Variants in MDN1 observed in about 807,000 individuals in gnomAD.
MDN1 encodes the protein midasin AAA ATPase 1.
Under a neutral mutation model 669.2 loss-of-function variants are expected in MDN1, and 266 were observed. The ratio of observed to expected loss-of-function variants is 0.40; its 90% CI spans 0.36 to 0.44. The LOEUF is 0.44. Among genes scored for constraint, MDN1 ranks in the 20% least tolerant of loss-of-function variants. MDN1 has a pLI of 1.00. For synonymous variants in MDN1, 2,385 were observed against 2,457.1 expected, an observed-to-expected ratio of 0.97 and a Z score of 0.87; for missense variants, 5,940 against 6,754.0, an observed-to-expected ratio of 0.88 and a Z score of 4.22.
chr6:89,806,237 C>G (rs1435243853), intron 1 of MDN1, among the ~76,000 whole-genome samples: 2 of 151,920 alleles, frequency 1.3e-5, no homozygotes, highest in Non-Finnish European at 2.9e-5. Context: ...TGTGCCCGGC[C>G]CCATTTTTTA....
Position 89,708,578 on chromosome 6 carries a change from T to C in MDN1, c.7816A>G (p.Met2606Val). 1 of 1,614,052 alleles carries C rather than the reference T, an allele frequency of 6.2e-7. No homozygotes were observed. Among genetic ancestry groups the C allele is most frequent in the Non-Finnish European group, 8.5e-7 (1 of 1,179,918 alleles). ...TCAAAGTCCATCAAATTTCTAATCA[T>C]GTCCAGAGCCTGCATATTCCATCGG... ...DPRWNMQALD[M>V]IRNLMDFDPQ... The change falls in exon 51 of 102, where the codon ATG (methionine) becomes GTG (valine). Residue 2606 changes from methionine to valine, a missense_variant. By Grantham distance (21) the Met-to-Val change is conservative. This residue lies in a region of MDN1 where 2,292 missense variants were observed against 2,638.3 expected (regional missense o/e 0.87). Coordinates refer to ENST00000369393, the MANE Select transcript of MDN1 (RefSeq NM_014611.3).
chr6:89,744,385 A>T (rs1416205180), intron 29 of MDN1, among the ~76,000 whole-genome samples: 1 of 152,076 alleles, frequency 6.6e-6, no homozygotes, highest in Non-Finnish European at 1.5e-5. Flanking sequence ...GTTCAAGACC[A>T]GTCTGGACAA....
At chr6:89,798,179 C>T (rs1469840004) in intron 2 of MDN1, among the ~76,000 whole-genome samples, 5 of 74,126 alleles carry the variant, frequency 6.7e-5, no homozygotes, top group Admixed American at 1.8e-4. Context: ...GAGACTCTGT[C>T]TCAAAAAAAA....
intron 10 of MDN1, among the ~76,000 whole-genome samples, chr6:89,780,706 G>A (rs562974905): frequency 2.0e-5 from 3 of 148,294 alleles, no homozygotes; most frequent in South Asian, 2.1e-4. Flanking sequence ...AGTGCAGTGC[G>A]TGATCTCGGC....
chr6:89,780,178 C>A (rs1286862405), intron 11 of MDN1, 34 bp downstream of exon 11: 3 of 1,305,680 alleles, frequency 2.3e-6, no homozygotes, highest in South Asian at 2.9e-5. Flanking sequence ...CCTTACAGAA[C>A]CAAGACAAAA....
intron 1 of MDN1, chr6:89,814,880 T>C: frequency 2.1e-6 from 1 of 484,588 alleles, no homozygotes; most frequent in Non-Finnish European, 4.1e-6. Flanking sequence ...AGGTACCTCC[T>C]AGAAACCCCT....
At chr6:89,691,771 T>C (rs889499227) in intron 63 of MDN1, among the ~76,000 whole-genome samples, 16 of 152,228 alleles carry the variant, frequency 1.1e-4, no homozygotes, top group African/African-American at 3.6e-4. Flanking sequence ...TGGTTTGTTG[T>C]ACATTTTGTA....
intron 70 of MDN1, among the ~76,000 whole-genome samples, chr6:89,685,382 A>G (rs1811938698): frequency 6.6e-6 from 1 of 152,064 alleles, no homozygotes; most frequent in Non-Finnish European, 1.5e-5. Context: ...TACAATCTAT[A>G]CTCATCTTGT....
At chr6:89,661,904 C>T (rs1809795128) in intron 87 of MDN1, among the ~76,000 whole-genome samples, 183 bp downstream of exon 87, 1 of 152,180 alleles carries the variant, frequency 6.6e-6, no homozygotes, top group Non-Finnish European at 1.5e-5. Flanking sequence ...ACTACCCTGT[C>T]AGGAACCAAC....
chr6:89,668,267 ATTATC>A, intron 83 of MDN1, 116 bp from the exon 84 acceptor site: 6 of 1,263,624 alleles, frequency 4.7e-6, no homozygotes, highest in Non-Finnish European at 4.3e-6. Flanking sequence ...TTTCTAGCTC[ATTATC>A]TTAAATCCGC....
rs537268426 is a variant in MDN1, at chr6:89,760,608, G to A, written c.2460+1037C>T. On this transcript the variant is annotated intron_variant, in intron 17 of 101. Transcript: ENST00000369393. ...CCATCAACAGATGAATAAAGAAAAT[G>A]TTGTATATATACATATATACAAACA... is the stretch of plus-strand genomic sequence containing the variant. Among the ~76,000 whole-genome samples, 344 of 152,094 alleles carry A rather than the reference G, an allele frequency of 2.3e-3. 3 individuals carry two copies. Among genetic ancestry groups the A allele is most frequent in the African/African-American group, 7.8e-3 (325 of 41,474 alleles).
At chr6:89,715,375 T>G (rs1004801179) in intron 45 of MDN1, among the ~76,000 whole-genome samples, 59 of 152,266 alleles carry the variant, frequency 3.9e-4, no homozygotes, top group African/African-American at 1.3e-3. Context: ...TTGCCTAAAT[T>G]ACTGCAAAAG....
intron 2 of MDN1, among the ~76,000 whole-genome samples, chr6:89,798,043 G>C (rs981432777): frequency 2.0e-5 from 3 of 151,950 alleles, no homozygotes; most frequent in African/African-American, 4.8e-5. Flanking sequence ...TTAGCCAGGC[G>C]TGGTGGCAGG....
At chr6:89,650,597 C>T in intron 96 of MDN1, 135 bp downstream of exon 96, 1 of 658,164 alleles carries the variant, frequency 1.5e-6, no homozygotes, top group Non-Finnish European at 2.6e-6. Context: ...TAAGGAACAG[C>T]ATACTGGTGC....
rs1812471666 is a variant in MDN1, at chr6:89,692,899, C to T, written c.10131G>A (p.Gln3377=). 1.2e-6 allele frequency: 2 copies of T among 1,614,128 alleles called. No homozygotes were observed. Among genetic ancestry groups the T allele is most frequent in the South Asian group, 1.1e-5 (1 of 91,090 alleles). Residue 3377 remains glutamine, a synonymous_variant, in exon 63 of 102, where the codon CAG becomes CAA. Transcript: ENST00000369393. ...SLLKEEASWQ[Q]SHHQFRKRLS... is the part of the protein sequence containing the mutation. ...GCCGCTTCCGGAACTGGTGGTGTGACTGCTGCCAAGAGGCCTCCTCCTTTA... is the reference window on the plus strand; with the variant it reads ...GCCGCTTCCGGAACTGGTGGTGTGATTGCTGCCAAGAGGCCTCCTCCTTTA...
In MDN1 at chr6:89,700,166, G is replaced by A; in HGVS notation, c.8767C>T (p.His2923Tyr). 1 of 1,614,168 alleles carries A rather than the reference G, an allele frequency of 6.2e-7. No individual in the cohort carries two copies. The highest frequency in any genetic ancestry group is 8.5e-7 in the Non-Finnish European group (1 of 1,180,020). Residue 2923 changes from histidine (H) to tyrosine (Y), a missense_variant, in exon 57 of 102, where the codon CAC becomes TAC. His to Tyr is a moderately conservative substitution (Grantham distance 83). Transcript: ENST00000369393. ...LSHPDLTSVI[H>Y]LTRSVQLWPA... Reference sequence around the variant, plus strand: ...CACAACTGAACACTCCTGGTGAGGTGGATTACGGAGGTCAAGTCTGGATGG... The same window carrying A: ...CACAACTGAACACTCCTGGTGAGGTAGATTACGGAGGTCAAGTCTGGATGG...
At chr6:89,754,038 C>T (rs751444380) in intron 21 of MDN1, 45 bp downstream of exon 21, 41 of 1,587,074 alleles carry the variant, frequency 2.6e-5, no homozygotes, top group Non-Finnish European at 3.2e-5. Context: ...TTCCCATGAA[C>T]CCATCCATTA....
intron 38 of MDN1, 55 bp from the exon 39 acceptor site, chr6:89,723,674 T>C: frequency 1.0e-6 from 1 of 974,080 alleles, no homozygotes; most frequent in Non-Finnish European, 1.5e-6. Flanking sequence ...TACCAAACAC[T>C]AGAAATGACT....
At position 89,701,689 on chromosome 6, in the gene MDN1, G is replaced by A. The variant is rs1364814870; in HGVS notation, c.8307-11C>T. ...ACTTCTTTGTAATATCTTTAAAGGA[G>A]AACAAGGGCACAGGGGAAATAAGGA... is the stretch of plus-strand genomic sequence containing the variant. On this transcript the variant is annotated splice_polypyrimidine_tract_variant and intron_variant, in intron 54 of 101. Transcript: ENST00000369393. The A allele has an allele frequency of 6.2e-7, 1 of 1,610,612 alleles. No homozygotes were observed. Among genetic ancestry groups the A allele is most frequent in the South Asian group, 1.1e-5 (1 of 89,980 alleles).
Sources: gnomAD v4.1 joint callset for allele counts (sites outside exome capture counted in the v4.1 genomes callset) on GRCh38, gnomAD v4.1.1 for gene constraint, gnomAD v4.1.1 regional missense constraint, MANE v1.5 for transcripts, NCBI Gene and HGNC (gene_info 2026-07-23, HGNC 2026-07-21) for gene names.